The following PAN3 variants were observed in gnomAD, a reference collection of about 807,000 sequenced individuals.
The protein encoded by PAN3 is PAN2-PAN3 deadenylation complex subunit PAN3.
In PAN3, 19 loss-of-function variants were observed where a neutral mutation model predicts 96.2. The observed-to-expected ratio is 0.20, with a 90% CI of 0.14 to 0.29. The LOEUF (loss-of-function observed/expected upper bound fraction) is 0.29, where lower values mean the gene tolerates loss of function less well. Among genes scored for constraint, PAN3 ranks in the 10% least tolerant of loss-of-function variants. PAN3 has a pLI of 1.00. For missense variants in PAN3, 882 were observed against 1,108.1 expected, an observed-to-expected ratio of 0.80 and a Z score of 2.90; for synonymous variants, 433 against 406.6, an observed-to-expected ratio of 1.06 and a Z score of -0.78.
At chr13:28,220,962 A>G (rs1881341421) in intron 6 of PAN3, among the ~76,000 whole-genome samples, 1 of 152,292 alleles carries the variant, frequency 6.6e-6, no homozygotes, top group South Asian at 2.1e-4. Flanking sequence ...TAATGTACCC[A>G]TAAAGTGTAC....
chr13:28,183,192 G>GA (rs1876018391), intron 4 of PAN3, among the ~76,000 whole-genome samples: 1 of 152,104 alleles, frequency 6.6e-6, no homozygotes, highest in African/African-American at 2.4e-5. Flanking sequence ...AGAAGACATT[G>GA]AAAAATAACT....
At chr13:28,195,025 A>AT (rs1252333885) in intron 4 of PAN3, among the ~76,000 whole-genome samples, 1 of 152,150 alleles carries the variant, frequency 6.6e-6, no homozygotes, top group Non-Finnish European at 1.5e-5. Flanking sequence ...ATGATAGCAA[A>AT]TAAAAAAAAA....
chr13:28,161,217 A>G (rs989758726), intron 1 of PAN3, among the ~76,000 whole-genome samples: 1 of 152,156 alleles, frequency 6.6e-6, no homozygotes, highest in East Asian at 1.9e-4. Flanking sequence ...AGCTTACACA[A>G]CAGAAATTTA....
intron 18 of PAN3, among the ~76,000 whole-genome samples, chr13:28,289,456 T>C (rs1237378816): frequency 1.3e-5 from 2 of 152,248 alleles, no homozygotes; most frequent in East Asian, 3.9e-4. Flanking sequence ...TTTTGTCCTT[T>C]TGGTCGATAC....
chr13:28,212,172 C>T (rs1880125080), intron 5 of PAN3, among the ~76,000 whole-genome samples: 1 of 152,166 alleles, frequency 6.6e-6, no homozygotes, highest in African/African-American at 2.4e-5. Context: ...TATACATGGC[C>T]AGGAGTAGTT....
At chr13:28,277,210 A>T (rs763017862) in intron 14 of PAN3, 27 bp from the exon 15 acceptor site, 1 of 1,586,082 alleles carries the variant, frequency 6.3e-7, no homozygotes, top group Non-Finnish European at 8.6e-7. Context: ...ATGAAAATTA[A>T]AAGTTATATT....
At chr13:28,203,413 C>T (rs886425594) in intron 5 of PAN3, among the ~76,000 whole-genome samples, 2 of 152,108 alleles carry the variant, frequency 1.3e-5, no homozygotes, top group African/African-American at 4.8e-5. Context: ...AAGCAGTTCT[C>T]CCACTTTAGC....
At position 28,215,798 on chromosome 13, in the gene PAN3, A is replaced by G. The variant is rs1173818156; in HGVS notation, c.853-4433A>G. ...GTTGTTTTGCTGTTGGTGATGTGAG[A>G]CAGACAGTTGCTGTGGGTGTCATCA... On this transcript the variant is annotated intron_variant, in intron 5 of 18. Transcript: ENST00000380958. 3.6e-6 allele frequency: 5 copies of G among 1,394,134 alleles called. No homozygotes were observed. The Admixed American group carries it at 5.0e-5, about 14-fold the overall frequency. 86.4% of individuals were successfully genotyped at this position (1,394,134 alleles called of 1,614,324 possible).
chr13:28,179,722 A>T (rs1875518394), intron 4 of PAN3, among the ~76,000 whole-genome samples: 1 of 151,870 alleles, frequency 6.6e-6, no homozygotes, highest in African/African-American at 2.4e-5. Context: ...AAAAAAAAAA[A>T]TCAGTTAATA....
chr13:28,175,365 T>TCAG (rs1874835106), intron 2 of PAN3, among the ~76,000 whole-genome samples: 1 of 152,208 alleles, frequency 6.6e-6, no homozygotes, highest in Admixed American at 6.5e-5. Flanking sequence ...CTCTCTTGCC[T>TCAG]CAGCCTCCTG....
At chr13:28,161,017 A>G (rs750109934) in intron 1 of PAN3, among the ~76,000 whole-genome samples, 11 of 152,238 alleles carry the variant, frequency 7.2e-5, no homozygotes, top group Non-Finnish European at 1.6e-4. Flanking sequence ...TTTTGCTCAA[A>G]CAAATTGGTA....
chr13:28,204,995 A>AT (rs139551822), intron 5 of PAN3, among the ~76,000 whole-genome samples: 2 of 151,842 alleles, frequency 1.3e-5, no homozygotes, highest in Non-Finnish European at 2.9e-5. Flanking sequence ...ATTAAATGGC[A>AT]TTTTTTGTAA....
At chr13:28,159,474 T>C (rs771406122) in intron 1 of PAN3, among the ~76,000 whole-genome samples, 1 of 152,054 alleles carries the variant, frequency 6.6e-6, no homozygotes, top group African/African-American at 2.4e-5. Flanking sequence ...TGAGATGGAG[T>C]TTCGCTCTTG....
intron 1 of PAN3, among the ~76,000 whole-genome samples, chr13:28,141,232 T>C (rs1333541828): frequency 1.3e-5 from 2 of 151,928 alleles, no homozygotes; most frequent in East Asian, 3.9e-4. Flanking sequence ...CTCGAACTCC[T>C]GACCTCAGGT....
rs577768988 is a variant in PAN3 at position 28,232,031 on chromosome 13, C to T, written c.1000+11653C>T. Reference sequence around the variant, plus strand: ...TGTTATAATTGAAATGTCACTGTTACGCAGTCATAAGGTAAACATTTAGCA... The same window carrying T: ...TGTTATAATTGAAATGTCACTGTTATGCAGTCATAAGGTAAACATTTAGCA... On this transcript the variant is annotated intron_variant, in intron 6 of 18. Transcript: ENST00000380958. Among the ~76,000 whole-genome samples, 15 of 152,142 alleles carry T rather than the reference C, an allele frequency of 9.9e-5. No homozygotes were observed. In the South Asian group the frequency reaches 1.0e-3, roughly 11 times the overall value.
At chr13:28,288,239 T>G in intron 18 of PAN3, 117 bp downstream of exon 18, 1 of 875,128 alleles carries the variant, frequency 1.1e-6, no homozygotes, top group Non-Finnish European at 1.7e-6. Flanking sequence ...AAGTAGCCTG[T>G]AAGACGTTTT....
At chr13:28,205,978 T>C (rs1879304649) in intron 5 of PAN3, among the ~76,000 whole-genome samples, 1 of 152,190 alleles carries the variant, frequency 6.6e-6, no homozygotes, top group Non-Finnish European at 1.5e-5. Flanking sequence ...TGTTATATAC[T>C]GAAGGCCATC....
At chr13:28,188,884 C>T (rs1052828270) in intron 4 of PAN3, among the ~76,000 whole-genome samples, 1 of 152,202 alleles carries the variant, frequency 6.6e-6, no homozygotes, top group African/African-American at 2.4e-5. Flanking sequence ...GCTTTAACTA[C>T]ATTTTTTATA....
chr13:28,180,513 A>G (rs1875634796), intron 4 of PAN3, among the ~76,000 whole-genome samples: 2 of 152,224 alleles, frequency 1.3e-5, no homozygotes, highest in South Asian at 2.1e-4. Flanking sequence ...AATTAAAGGC[A>G]TATGAAAAAA....
Sources: gnomAD v4.1 joint callset for allele counts (sites outside exome capture counted in the v4.1 genomes callset) on GRCh38, gnomAD v4.1.1 for gene constraint, MANE v1.5 for transcripts, NCBI Gene and HGNC (gene_info 2026-07-23, HGNC 2026-07-21) for gene names.